The following GRIA3 variants were observed in gnomAD, a reference collection of about 807,000 sequenced individuals.
GRIA3 encodes the protein glutamate receptor 3.
A neutral mutation model predicts 63.0 loss-of-function variants in GRIA3; 3 were observed. The observed-to-expected ratio is 0.05, with a 90% CI of 0.02 to 0.12. The LOEUF is 0.12. Ranked by LOEUF, GRIA3 falls within the 10% of genes least tolerant of loss-of-function variation. The pLI, the probability that GRIA3 is intolerant of heterozygous loss-of-function variation, is 1.00. For synonymous variants in GRIA3, 274 were observed against 257.9 expected, an observed-to-expected ratio of 1.06 and a Z score of -0.60; for missense variants, 347 against 700.9, an observed-to-expected ratio of 0.50 and a Z score of 5.70.
chrX:123,398,856 A>G (rs1377112836), intron 7 of GRIA3, 53 bp downstream of exon 7: 1 of 988,269 alleles, frequency 1.0e-6, no homozygotes, highest in Non-Finnish European at 1.4e-6. Flanking sequence ...AGACATAAAA[A>G]AGATGAGACC....
intron 13 of GRIA3, among the ~76,000 whole-genome samples, chrX:123,474,546 G>A (rs2147441339): frequency 9.1e-6 from 1 of 110,321 alleles, no homozygotes; most frequent in African/African-American, 3.3e-5. Context: ...AGCTGGACAT[G>A]GTGGCATGTG....
At chrX:123,283,006 C>G (rs1358019786) in intron 3 of GRIA3, among the ~76,000 whole-genome samples, 1 of 112,116 alleles carries the variant, frequency 8.9e-6, no homozygotes, top group Non-Finnish European at 1.9e-5. Context: ...GAGATCAACA[C>G]AGAAGGCAGG....
intron 2 of GRIA3, among the ~76,000 whole-genome samples, chrX:123,198,821 C>A (rs970764384): frequency 1.2e-4 from 13 of 111,547 alleles, no homozygotes; most frequent in African/African-American, 3.9e-4. Flanking sequence ...AATATGATAA[C>A]CTTAGCACTT....
At chrX:123,189,066 A>C (rs940410694) in intron 2 of GRIA3, among the ~76,000 whole-genome samples, 1 of 112,129 alleles carries the variant, frequency 8.9e-6, no homozygotes, top group African/African-American at 3.2e-5. Flanking sequence ...CGAGGCCAAT[A>C]AGAGCCACAC....
chrX:123,224,441 T>C (rs2044234529), intron 2 of GRIA3, among the ~76,000 whole-genome samples: 1 of 111,823 alleles, frequency 8.9e-6, no homozygotes, highest in South Asian at 3.8e-4. Context: ...TTTCAGTCGC[T>C]ACAATAACTT....
intron 12 of GRIA3, among the ~76,000 whole-genome samples, chrX:123,452,332 T>C (rs1432920189): frequency 1.9e-5 from 2 of 107,984 alleles, no homozygotes; most frequent in African/African-American, 6.9e-5. Flanking sequence ...TAGTTCCAGC[T>C]CACCTTTTAG....
At chrX:123,372,782 G>A (rs1260958432) in intron 5 of GRIA3, among the ~76,000 whole-genome samples, 1 of 111,215 alleles carries the variant, frequency 9.0e-6, no homozygotes, top group Non-Finnish European at 1.9e-5. Flanking sequence ...GAAGTCATTA[G>A]ATTTTTCCAA....
At chrX:123,363,482 T>C (rs2045190078) in intron 5 of GRIA3, among the ~76,000 whole-genome samples, 1 of 112,427 alleles carries the variant, frequency 8.9e-6, no homozygotes, top group Non-Finnish European at 1.9e-5. Flanking sequence ...TCAACAAAGA[T>C]GGGATAATAC....
At position 123,489,796 on chromosome X, in the gene GRIA3, C is replaced by T. The variant is rs762194112; in HGVS notation, c.*1086C>T. 2.1e-4 allele frequency: 24 copies of T among 112,470 alleles called. No homozygotes were observed. The highest frequency in any genetic ancestry group is 7.8e-4 in the African/African-American group (24 of 30,916). 9.3% of individuals were successfully genotyped at this position (112,470 alleles called of 1,213,427 possible). ...GACAGCAGGTTCAGACCACAGTTCT[C>T]AGTCTGACTTTACTCTTGCTAGGTC... On this transcript the variant is annotated 3_prime_UTR_variant, in exon 16 of 16. Transcript: ENST00000620443.
At chrX:123,227,997 A>G (rs1452608946) in intron 2 of GRIA3, among the ~76,000 whole-genome samples, 1 of 112,233 alleles carries the variant, frequency 8.9e-6, no homozygotes, top group Non-Finnish European at 1.9e-5. Context: ...CTTCGCTTCC[A>G]TTTTGGAGAC....
chrX:123,329,830 A>G (rs1320223232), intron 4 of GRIA3, among the ~76,000 whole-genome samples: 1 of 111,959 alleles, frequency 8.9e-6, no homozygotes, highest in Non-Finnish European at 1.9e-5. Context: ...CAGCTGCCTT[A>G]CTCAATTCAA....
intron 2 of GRIA3, among the ~76,000 whole-genome samples, chrX:123,198,188 T>A (rs2065184801): frequency 8.9e-6 from 1 of 112,073 alleles, no homozygotes; most frequent in Non-Finnish European, 1.9e-5. Context: ...TCTAGGCAAT[T>A]CTTCCACTAA....
chrX:123,427,811 T>C (rs2085966544), intron 11 of GRIA3, 130 bp from the exon 12 acceptor site: 1 of 532,983 alleles, frequency 1.9e-6, no homozygotes, highest in Non-Finnish European at 3.3e-6. Context: ...TTTAATTCCC[T>C]CACATCATCT....
intron 15 of GRIA3, among the ~76,000 whole-genome samples, chrX:123,484,562 C>T (rs1311109657): frequency 8.9e-6 from 1 of 111,913 alleles, no homozygotes; most frequent in Non-Finnish European, 1.9e-5. Flanking sequence ...CTCATTGCAA[C>T]CTCCACATCC....
Position 123,395,845 on chromosome X carries a change from G to T in GRIA3, c.912+716G>T, listed in dbSNP as rs182529955. Among the ~76,000 whole-genome samples, 21 of 111,030 alleles carry T rather than the reference G, an allele frequency of 1.9e-4. No homozygotes were observed. In the East Asian group the frequency reaches 5.4e-3, roughly 28 times the overall value. The stretch of plus-strand genomic sequence containing the variant: ...CTTCAAATATATTTTTAAGTAAATC[G>T]TTCCCTCAGTGCATTGATTCAAATA... On this transcript the variant is annotated intron_variant, in intron 6 of 15. Coordinates refer to ENST00000620443, the MANE Select transcript of GRIA3 (RefSeq NM_007325.5).
Position 123,306,895 on chromosome X carries a change from G to A in GRIA3, c.509-19131G>A, listed in dbSNP as rs148646557. Among the ~76,000 whole-genome samples the A allele has an allele frequency of 8.1e-5, 9 of 111,749 alleles. No individual in the cohort carries two copies. The East Asian group carries it at 2.3e-3, about 28-fold the overall frequency. On this transcript the variant is annotated intron_variant, in intron 3 of 15. Coordinates refer to ENST00000620443, the MANE Select transcript of GRIA3 (RefSeq NM_007325.5). The stretch of plus-strand genomic sequence containing the variant: ...ATAATTCTTCTTTGTCTTGCTCCAG[G>A]GACTTTGGCAGAGAATTGGGGAAGA...
intron 12 of GRIA3, among the ~76,000 whole-genome samples, chrX:123,463,704 GA>G (rs1569440926): frequency 1.7e-4 from 2 of 11,719 alleles, no homozygotes; most frequent in Non-Finnish European, 3.3e-4. Flanking sequence ...GAAAGAAAAA[GA>G]AAGAAAGAAA....
intron 3 of GRIA3, among the ~76,000 whole-genome samples, chrX:123,278,214 C>T (rs1055867454): frequency 1.8e-5 from 2 of 111,542 alleles, no homozygotes; most frequent in East Asian, 2.8e-4. Context: ...TGGAAGAGTC[C>T]CCTCCCCACC....
At chrX:123,271,720 T>C (rs2044524346) in intron 3 of GRIA3, among the ~76,000 whole-genome samples, 2 of 111,857 alleles carry the variant, frequency 1.8e-5, no homozygotes, top group African/African-American at 6.5e-5. Flanking sequence ...ACAAAAATTT[T>C]ACCAAGGAAG....
Sources: gnomAD v4.1 joint callset for allele counts (sites outside exome capture counted in the v4.1 genomes callset) on GRCh38, gnomAD v4.1.1 for gene constraint, MANE v1.5 for transcripts, NCBI Gene and HGNC (gene_info 2026-07-23, HGNC 2026-07-21) for gene names.